Variants in LRMDA observed in about 807,000 individuals in gnomAD.
The protein encoded by LRMDA is leucine rich melanocyte differentiation associated.
A neutral mutation model predicts 29.8 loss-of-function variants in LRMDA; 18 were observed. That is an observed-to-expected ratio of 0.60 (90% CI 0.42 to 0.90). LRMDA has a LOEUF of 0.90. LRMDA is among the 40% of genes least tolerant of loss of function. LRMDA has a pLI of 0.00. For synonymous variants in LRMDA, 125 were observed against 109.4 expected (o/e 1.14, Z -0.89); for missense variants, 273 against 273.9 (o/e 1.00, Z 0.02).
At chr10:76,363,510 C>G (rs1841354771) in intron 6 of LRMDA, among the ~76,000 whole-genome samples, 1 of 151,948 alleles carries the variant, frequency 6.6e-6, no homozygotes, top group African/African-American at 2.4e-5. Flanking sequence ...TGTTTTAGTT[C>G]CTTAAACTTA....
intron 2 of LRMDA, among the ~76,000 whole-genome samples, chr10:75,814,342 C>T (rs2132274445): frequency 6.6e-6 from 1 of 152,282 alleles, no homozygotes; most frequent in South Asian, 2.1e-4. Context: ...AGTCTCTCTG[C>T]TTGTTTCCCT....
At chr10:75,988,385 G>A (rs1254478401) in intron 2 of LRMDA, among the ~76,000 whole-genome samples, 1 of 152,018 alleles carries the variant, frequency 6.6e-6, no homozygotes, top group Non-Finnish European at 1.5e-5. Flanking sequence ...AGGTCTGGGT[G>A]TCCAGGTGGT....
intron 5 of LRMDA, among the ~76,000 whole-genome samples, chr10:76,179,685 C>T (rs1033067285): frequency 6.6e-6 from 1 of 152,140 alleles, no homozygotes; most frequent in South Asian, 2.1e-4. Flanking sequence ...AATCCACGGA[C>T]ATATTTATAT....
chr10:75,816,873 C>T (rs551185189), intron 2 of LRMDA, among the ~76,000 whole-genome samples: 6 of 152,208 alleles, frequency 3.9e-5, no homozygotes, highest in Non-Finnish European at 7.3e-5. Context: ...TACATTTCAG[C>T]TCTTCTACCT....
chr10:75,520,553 C>T (rs1845344930), intron 2 of LRMDA, among the ~76,000 whole-genome samples: 1 of 152,190 alleles, frequency 6.6e-6, no homozygotes, highest in African/African-American at 2.4e-5. Context: ...CTTCTCTCTA[C>T]ACTGTTTATT....
At chr10:76,527,418 C>A (rs944790857) in intron 6 of LRMDA, among the ~76,000 whole-genome samples, 1 of 152,150 alleles carries the variant, frequency 6.6e-6, no homozygotes, top group Non-Finnish European at 1.5e-5. Flanking sequence ...TACATAACCT[C>A]TCTGCAGATT....
intron 2 of LRMDA, among the ~76,000 whole-genome samples, chr10:75,701,831 T>C (rs12266198): frequency 0.04 from 6,087 of 152,234 alleles, 311 homozygotes; most frequent in African/African-American, 0.12. Flanking sequence ...ATTCCCTCAA[T>C]AACCTTTGTT....
intron 6 of LRMDA, among the ~76,000 whole-genome samples, chr10:76,529,821 T>C (rs1843215230): frequency 6.6e-6 from 1 of 152,130 alleles, no homozygotes; most frequent in Admixed American, 6.6e-5. Flanking sequence ...CTTTGTCTTC[T>C]TACATGGAAA....
chr10:75,803,674 T>A (rs528983546), intron 2 of LRMDA, among the ~76,000 whole-genome samples: 1 of 152,384 alleles, frequency 6.6e-6, no homozygotes, highest in South Asian at 2.1e-4. Flanking sequence ...CTTAGAGCAG[T>A]GACTGGCACT....
chr10:76,423,739 A>C (rs1013440456), intron 6 of LRMDA, among the ~76,000 whole-genome samples: 2 of 152,228 alleles, frequency 1.3e-5, no homozygotes, highest in African/African-American at 4.8e-5. Context: ...TGATGCCCTA[A>C]CTCAGCTAGA....
chr10:75,507,606 G>T (rs1290260811), intron 2 of LRMDA, among the ~76,000 whole-genome samples: 1 of 152,146 alleles, frequency 6.6e-6, no homozygotes, highest in East Asian at 1.9e-4. Flanking sequence ...TACTCGCATT[G>T]TTTCGGAGCC....
At chr10:76,262,570 G>A (rs1365196762) in intron 5 of LRMDA, among the ~76,000 whole-genome samples, 1 of 152,124 alleles carries the variant, frequency 6.6e-6, no homozygotes, top group Admixed American at 6.5e-5. Context: ...TAACTCTCTG[G>A]CATATATGTG....
intron 5 of LRMDA, among the ~76,000 whole-genome samples, chr10:76,188,533 G>A (rs1217094978): frequency 6.6e-6 from 1 of 152,126 alleles, no homozygotes; most frequent in East Asian, 1.9e-4. Context: ...CCTCTTGCGG[G>A]GCCTTTGTAT....
intron 5 of LRMDA, among the ~76,000 whole-genome samples, chr10:76,273,618 C>T (rs1840094318): frequency 6.6e-6 from 1 of 152,106 alleles, no homozygotes. Flanking sequence ...TGGCAATCTC[C>T]AAAGAAATAC....
At chr10:76,196,946 A>G (rs1032825021) in intron 5 of LRMDA, among the ~76,000 whole-genome samples, 1 of 152,040 alleles carries the variant, frequency 6.6e-6, no homozygotes, top group East Asian at 1.9e-4. Context: ...TCTATGGGCA[A>G]CTCTGACTGT....
At chr10:75,608,088 T>C (rs906129834) in intron 2 of LRMDA, among the ~76,000 whole-genome samples, 11 of 106,020 alleles carry the variant, frequency 1.0e-4, no homozygotes, top group Non-Finnish European at 2.4e-4. Context: ...GATGGATGAC[T>C]GGATCAAAAA....
intron 5 of LRMDA, among the ~76,000 whole-genome samples, chr10:76,229,799 C>T (rs1353573817): frequency 6.6e-6 from 1 of 152,112 alleles, no homozygotes; most frequent in East Asian, 1.9e-4. Flanking sequence ...TTTATAGCTG[C>T]TCCAGGAGCA....
intron 5 of LRMDA, among the ~76,000 whole-genome samples, chr10:76,211,466 T>G (rs1050358632): frequency 6.6e-6 from 1 of 152,192 alleles, no homozygotes; most frequent in Non-Finnish European, 1.5e-5. Flanking sequence ...TTACTACACA[T>G]CCAATAGCAT....
intron 2 of LRMDA, among the ~76,000 whole-genome samples, chr10:75,607,824 GTTTTTTTTTTTTTT>G (rs5786180): frequency 2.8e-5 from 2 of 72,302 alleles, no homozygotes; most frequent in African/African-American, 1.1e-4. Context: ...TGATTCAGTG[GTTTTTTTTTTTTTT>G]TTTTTTTTTT....
Sources: allele counts gnomAD v4.1 joint callset (sites outside exome capture counted in the v4.1 genomes callset), GRCh38; gene constraint gnomAD v4.1.1; transcripts MANE v1.5; gene names NCBI Gene and HGNC (gene_info 2026-07-23, HGNC 2026-07-21).